Variants in CYP7B1 observed in about 807,000 individuals in gnomAD.
The protein encoded by CYP7B1 is cytochrome P450 family 7 subfamily B member 1, also known as cytochrome P450 7B1.
A neutral mutation model predicts 42.7 loss-of-function variants in CYP7B1; 29 were observed. The ratio of observed to expected loss-of-function variants is 0.68; its 90% CI spans 0.51 to 0.93. The LOEUF is 0.93. Ranked by LOEUF, CYP7B1 falls within the 40% of genes least tolerant of loss-of-function variation. The pLI, the probability that CYP7B1 is intolerant of heterozygous loss-of-function variation, is 0.00. For synonymous variants in CYP7B1, 235 were observed against 218.2 expected (o/e 1.08, Z -0.68); for missense variants, 655 against 600.5 (o/e 1.09, Z -0.95).
At chr8:64,655,438 C>G (rs964441716) in intron 1 of CYP7B1, among the ~76,000 whole-genome samples, 1 of 152,058 alleles carries the variant, frequency 6.6e-6, no homozygotes, top group Non-Finnish European at 1.5e-5. Context: ...TATCACTGAT[C>G]GTTAGAGAAA....
chr8:64,740,099 G>A (rs1807546774), intron 1 of CYP7B1, among the ~76,000 whole-genome samples: 1 of 151,946 alleles, frequency 6.6e-6, no homozygotes, highest in South Asian at 2.1e-4. Context: ...AAGAACACTG[G>A]AGAAGAAAAA....
chr8:64,749,246 G>A (rs1169973755), intron 1 of CYP7B1, among the ~76,000 whole-genome samples: 2 of 151,712 alleles, frequency 1.3e-5, no homozygotes, highest in South Asian at 4.2e-4. Flanking sequence ...ACACCTGGCT[G>A]ATTTTTGTAT....
intron 1 of CYP7B1, among the ~76,000 whole-genome samples, chr8:64,718,891 G>T (rs1419877524): frequency 6.6e-6 from 1 of 152,170 alleles, no homozygotes; most frequent in Non-Finnish European, 1.5e-5. Context: ...TTATGGGCAG[G>T]GTTACCCCCT....
chr8:64,614,973 C>T (rs1281269849), intron 4 of CYP7B1, 53 bp downstream of exon 4: 4 of 1,585,542 alleles, frequency 2.5e-6, no homozygotes, highest in African/African-American at 2.7e-5. Flanking sequence ...AGTGATAAAC[C>T]GAGTTTGCAG....
At chr8:64,761,064 T>A (rs1330346800) in intron 1 of CYP7B1, among the ~76,000 whole-genome samples, 2 of 152,190 alleles carry the variant, frequency 1.3e-5, no homozygotes, top group Non-Finnish European at 2.9e-5. Context: ...GAGGACATTA[T>A]GCTAAATTAA....
At position 64,596,825 on chromosome 8, in the gene CYP7B1, G is replaced by C. The variant is rs1417955504; in HGVS notation, c.1338C>G (p.Thr446=). Residue 446 remains threonine (T), a synonymous_variant, in exon 6 of 6, where the codon ACC becomes ACG. Coordinates refer to ENST00000310193, the MANE Select transcript of CYP7B1 (RefSeq NM_004820.5). ...CAAAAAATCGGCCTGGACATTTGCT[G>C]GTTCCAGTTCCAAACGGCATTAGGT... The part of the protein sequence containing the change: ...KCYLMPFGTG[T]SKCPGRFFAL... 1 of 1,614,104 alleles carries C rather than the reference G, an allele frequency of 6.2e-7. No individual in the cohort carries two copies. Among genetic ancestry groups the C allele is most frequent in the Non-Finnish European group, 8.5e-7 (1 of 1,180,000 alleles).
intron 1 of CYP7B1, among the ~76,000 whole-genome samples, chr8:64,757,743 T>C (rs1296675733): frequency 6.6e-6 from 1 of 152,260 alleles, no homozygotes. Flanking sequence ...TGGGCTTCTT[T>C]GATACTACAG....
chr8:64,607,662 C>T (rs1201336899), intron 4 of CYP7B1, among the ~76,000 whole-genome samples: 1 of 152,158 alleles, frequency 6.6e-6, no homozygotes, highest in Non-Finnish European at 1.5e-5. Context: ...AAACAGCAAG[C>T]TGTCAATCAT....
intron 1 of CYP7B1, among the ~76,000 whole-genome samples, chr8:64,785,097 C>A (rs922395683): frequency 6.6e-6 from 1 of 152,046 alleles, no homozygotes; most frequent in Admixed American, 6.6e-5. Flanking sequence ...GGCAAATAAG[C>A]ATATGAAAAG....
chr8:64,773,585 ATCT>A (rs1311211383), intron 1 of CYP7B1, among the ~76,000 whole-genome samples: 1 of 152,214 alleles, frequency 6.6e-6, no homozygotes, highest in East Asian at 1.9e-4. Context: ...CCCAAACCTC[ATCT>A]TCTTATACTG....
At chr8:64,713,725 T>C (rs1341347987) in intron 1 of CYP7B1, among the ~76,000 whole-genome samples, 2 of 152,016 alleles carry the variant, frequency 1.3e-5, no homozygotes, top group Non-Finnish European at 2.9e-5. Flanking sequence ...TAGGGTAATA[T>C]AAAGCAATGC....
intron 1 of CYP7B1, among the ~76,000 whole-genome samples, chr8:64,701,747 T>G (rs1290203622): frequency 1.3e-5 from 2 of 152,060 alleles, no homozygotes; most frequent in African/African-American, 4.8e-5. Context: ...CCATAAATCC[T>G]TTTTAACTGT....
intron 1 of CYP7B1, among the ~76,000 whole-genome samples, chr8:64,742,287 G>T (rs80083040): frequency 0.041 from 6,247 of 152,094 alleles, 173 homozygotes; most frequent in Middle Eastern, 0.12. Context: ...GTAATAGAAT[G>T]CTAAGCCATT....
intron 4 of CYP7B1, among the ~76,000 whole-genome samples, chr8:64,611,225 G>A (rs1318474150): frequency 6.6e-6 from 1 of 152,166 alleles, no homozygotes; most frequent in African/African-American, 2.4e-5. Context: ...AAGCATGGGC[G>A]TGGTCAGAAA....
At chr8:64,651,017 T>G (rs1443413459) in intron 1 of CYP7B1, among the ~76,000 whole-genome samples, 2 of 152,174 alleles carry the variant, frequency 1.3e-5, no homozygotes, top group Admixed American at 1.3e-4. Flanking sequence ...AAACAACCTA[T>G]AAAAGTGTGT....
At position 64,784,497 on chromosome 8, in the gene CYP7B1, T is replaced by C. The variant is rs1247367993; in HGVS notation, c.122+13969A>G. ...TCAACAGTAGAATTCTCTGGATGTC[T>C]TGATTCTTCAAGAAAAGTCTCAGTA... On this transcript the variant is annotated intron_variant, in intron 1 of 5. Transcript: ENST00000310193. 2.0e-5 allele frequency among the ~76,000 whole-genome samples: 3 copies of C among 152,188 alleles called. No homozygotes were observed. In the East Asian group the frequency reaches 5.8e-4, roughly 29 times the overall value.
At chr8:64,794,959 G>A (rs1804681550) in intron 1 of CYP7B1, among the ~76,000 whole-genome samples, 1 of 152,074 alleles carries the variant, frequency 6.6e-6, no homozygotes, top group African/African-American at 2.4e-5. Context: ...ATTAAATACT[G>A]GCAAGGATGT....
chr8:64,718,197 G>A (rs1163586727), intron 1 of CYP7B1, among the ~76,000 whole-genome samples: 1 of 151,636 alleles, frequency 6.6e-6, no homozygotes, highest in African/African-American at 2.4e-5. Context: ...TATTCAAAGT[G>A]AGAGTTATTA....
intron 1 of CYP7B1, among the ~76,000 whole-genome samples, chr8:64,721,837 A>G (rs940031141): frequency 6.6e-6 from 1 of 152,160 alleles, no homozygotes; most frequent in African/African-American, 2.4e-5. Flanking sequence ...TATAGATAAC[A>G]TTATCTACTG....
Sources: gnomAD v4.1 joint callset for allele counts (sites outside exome capture counted in the v4.1 genomes callset) on GRCh38, gnomAD v4.1.1 for gene constraint, MANE v1.5 for transcripts, NCBI Gene and HGNC (gene_info 2026-07-23, HGNC 2026-07-21) for gene names.